Variants in CSMD1 observed in about 807,000 individuals in gnomAD.
CSMD1 encodes CUB and Sushi multiple domains 1.
Under a neutral mutation model 417.5 loss-of-function variants are expected in CSMD1, and 213 were observed. The observed-to-expected ratio is 0.51, with a 90% confidence interval of 0.46 to 0.57. The LOEUF is 0.57. Among genes scored for constraint, CSMD1 ranks in the 20% least tolerant of loss-of-function variants. The pLI is 0.00. For missense variants in CSMD1, 6,923 were observed against 4,529.7 expected (o/e 1.53, Z -15.17); for synonymous variants, 2,862 against 1,736.8 (o/e 1.65, Z -16.11).
intron 5 of CSMD1, among the ~76,000 whole-genome samples, chr8:3,963,017 A>C (rs974655990): frequency 6.6e-6 from 1 of 152,050 alleles, no homozygotes; most frequent in Non-Finnish European, 1.5e-5. Context: ...GCTCACTGCA[A>C]CCTCTGCCTC....
chr8:4,136,490 A>G (rs563179720), intron 3 of CSMD1, among the ~76,000 whole-genome samples: 2 of 152,330 alleles, frequency 1.3e-5, no homozygotes, highest in East Asian at 3.9e-4. Context: ...ACTGGATGCT[A>G]TTATATTACT....
At chr8:4,507,070 A>C (rs1370159244) in intron 2 of CSMD1, among the ~76,000 whole-genome samples, 1 of 152,176 alleles carries the variant, frequency 6.6e-6, no homozygotes, top group African/African-American at 2.4e-5. Flanking sequence ...ATATTTAGTA[A>C]TGCTTATTGA....
chr8:3,123,594 C>G (rs569788009), intron 41 of CSMD1, among the ~76,000 whole-genome samples: 1 of 141,346 alleles, frequency 7.1e-6, no homozygotes, highest in African/African-American at 3.2e-5. Flanking sequence ...AATATGAACG[C>G]TAATAAAACG....
At chr8:4,163,065 G>A (rs561975467) in intron 3 of CSMD1, among the ~76,000 whole-genome samples, 9 of 152,156 alleles carry the variant, frequency 5.9e-5, no homozygotes, top group Non-Finnish European at 1.0e-4. Context: ...CATGGCTTTC[G>A]GTTAATTTTG....
intron 26 of CSMD1, among the ~76,000 whole-genome samples, chr8:3,259,280 T>G (rs1800882591): frequency 1.3e-5 from 2 of 152,206 alleles, no homozygotes; most frequent in Admixed American, 1.3e-4. Flanking sequence ...ATTTATGAGT[T>G]TCTTTGAAAA....
intron 10 of CSMD1, among the ~76,000 whole-genome samples, chr8:3,544,947 C>T (rs778049805): frequency 6.6e-6 from 1 of 151,988 alleles, no homozygotes; most frequent in Non-Finnish European, 1.5e-5. Context: ...TATCTTAGAT[C>T]TCTTCTTTCT....
intron 1 of CSMD1, among the ~76,000 whole-genome samples, chr8:4,879,461 G>C (rs954025149): frequency 4.6e-5 from 7 of 152,070 alleles, no homozygotes; most frequent in South Asian, 2.1e-4. Context: ...AGATATTTTA[G>C]GAGCTACTTT....
At chr8:4,116,312 A>T (rs958028950) in intron 3 of CSMD1, among the ~76,000 whole-genome samples, 4 of 152,094 alleles carry the variant, frequency 2.6e-5, no homozygotes, top group Admixed American at 2.0e-4. Flanking sequence ...AATCTTTAGG[A>T]CGGTGAAACC....
At chr8:3,059,288 T>C (rs1812435128) in intron 49 of CSMD1, among the ~76,000 whole-genome samples, 1 of 147,150 alleles carries the variant, frequency 6.8e-6, no homozygotes, top group African/African-American at 2.5e-5. Flanking sequence ...AAAACCAGGA[T>C]AAACGTTTAC....
At chr8:3,791,867 T>C (rs1252900660) in intron 5 of CSMD1, among the ~76,000 whole-genome samples, 3 of 152,068 alleles carry the variant, frequency 2.0e-5, no homozygotes, top group East Asian at 2.0e-4. Context: ...ACCCTTTGTA[T>C]AGGTTGGTGC....
chr8:4,124,556 C>T (rs1429887855), intron 3 of CSMD1, among the ~76,000 whole-genome samples: 1 of 152,158 alleles, frequency 6.6e-6, no homozygotes, highest in Non-Finnish European at 1.5e-5. Context: ...AGCTTTGTGG[C>T]CACCTGCGCC....
At chr8:3,640,840 A>T (rs1411110176) in intron 7 of CSMD1, among the ~76,000 whole-genome samples, 2 of 152,076 alleles carry the variant, frequency 1.3e-5, no homozygotes, top group Non-Finnish European at 2.9e-5. Flanking sequence ...AGTCCATGGA[A>T]TCTTACCTCA....
intron 1 of CSMD1, among the ~76,000 whole-genome samples, chr8:4,776,818 A>T (rs1481225101): frequency 6.6e-6 from 1 of 152,000 alleles, no homozygotes; most frequent in African/African-American, 2.4e-5. Flanking sequence ...TTAAATTTTA[A>T]TTCTCTTACT....
At chr8:4,062,360 G>T (rs1426282) in intron 3 of CSMD1, among the ~76,000 whole-genome samples, 1 of 151,792 alleles carries the variant, frequency 6.6e-6, no homozygotes, top group African/African-American at 2.4e-5. Context: ...ATTTTCATTT[G>T]ACAATGGCTT....
Position 4,331,091 on chromosome 8 carries a change from C to G in CSMD1, c.415+88862G>C, listed in dbSNP as rs557402249. On this transcript the variant is annotated intron_variant, in intron 3 of 69. Transcript: ENST00000635120. ...TTGTTTCTTATTCTCCAATATGCAA[C>G]TACATATAATAGCAAAATGAAAATA... is the stretch of plus-strand genomic sequence containing the variant. Among the ~76,000 whole-genome samples, 65 of 152,272 alleles carry G rather than the reference C, an allele frequency of 4.3e-4. 1 individual carries two copies. The Middle Eastern group carries it at 0.01, about 24-fold the overall frequency.
intron 3 of CSMD1, among the ~76,000 whole-genome samples, chr8:4,259,065 T>G (rs1201748130): frequency 6.6e-6 from 1 of 152,158 alleles, no homozygotes; most frequent in Admixed American, 6.5e-5. Flanking sequence ...CTGCTTTGAG[T>G]TTGAACGCTG....
intron 2 of CSMD1, among the ~76,000 whole-genome samples, chr8:4,631,466 G>C (rs945464420): frequency 6.6e-6 from 1 of 151,272 alleles, no homozygotes; most frequent in Non-Finnish European, 1.5e-5. Context: ...AGCAACTATG[G>C]AGACAGAAAA....
chr8:3,478,930 A>G (rs1817581566), intron 11 of CSMD1, among the ~76,000 whole-genome samples: 1 of 152,086 alleles, frequency 6.6e-6, no homozygotes, highest in African/African-American at 2.4e-5. Context: ...ACACAGCGGT[A>G]GAGTGGGCGG....
At chr8:3,869,026 G>A (rs1182533102) in intron 5 of CSMD1, among the ~76,000 whole-genome samples, 2 of 152,322 alleles carry the variant, frequency 1.3e-5, no homozygotes, top group East Asian at 1.9e-4. Context: ...ACAGCTGCAA[G>A]CATATTTACA....
Sources: gnomAD v4.1 joint callset for allele counts (sites outside exome capture counted in the v4.1 genomes callset) on GRCh38, gnomAD v4.1.1 for gene constraint, MANE v1.5 for transcripts, NCBI Gene and HGNC (gene_info 2026-07-23, HGNC 2026-07-21) for gene names.